RUNX1: variants seen among roughly 807,000 people sequenced by gnomAD.
RUNX1 encodes runt-related transcription factor 1.
In RUNX1, 19 loss-of-function variants were observed where a neutral mutation model predicts 42.8. The observed-to-expected ratio is 0.44, with a 90% CI of 0.31 to 0.65. The LOEUF is 0.65. RUNX1 is among the 30% of genes least tolerant of loss of function. The pLI, the probability that RUNX1 is intolerant of heterozygous loss-of-function variation, is 0.07. For synonymous variants in RUNX1, 271 were observed against 289.4 expected (o/e 0.94, Z 0.64); for missense variants, 528 against 672.0 (o/e 0.79, Z 2.37).
intron 4 of RUNX1, among the ~76,000 whole-genome samples, chr21:34,886,316 A>G (rs542577427): frequency 6.1e-4 from 93 of 152,360 alleles, no homozygotes; most frequent in African/African-American, 2.2e-3. Flanking sequence ...GACTTTGGAC[A>G]TGCTAATTCC....
intron 2 of RUNX1, among the ~76,000 whole-genome samples, chr21:34,935,583 T>C (rs541147890): frequency 2.7e-4 from 37 of 138,620 alleles, no homozygotes; most frequent in African/African-American, 9.0e-4. Context: ...GTTGAGACAC[T>C]TTTTTTTTTT....
intron 2 of RUNX1, among the ~76,000 whole-genome samples, chr21:34,923,881 A>T (rs2058372856): frequency 6.6e-6 from 1 of 151,802 alleles, no homozygotes; most frequent in Non-Finnish European, 1.5e-5. Flanking sequence ...CTGCTGAGCC[A>T]TGTCTCTCGC....
Position 34,930,291 on chromosome 21 carries a change from T to A in RUNX1, c.59-37328A>T, listed in dbSNP as rs550411614. 6.2e-3 allele frequency among the ~76,000 whole-genome samples: 864 copies of A among 138,802 alleles called. 22 individuals are homozygous for A. The highest frequency in any genetic ancestry group is 0.023 in the African/African-American group (797 of 35,038). The allele number at this position is 138,802 out of a possible 152,430, so 91.1% of individuals were successfully genotyped here. ...GTATGTATATATATATATATATATA[T>A]AAATAAATAAATAAAATTTTACAAC... On this transcript the variant is annotated intron_variant, in intron 2 of 8. Coordinates refer to ENST00000675419, the MANE Select transcript of RUNX1 (RefSeq NM_001754.5).
At chr21:34,978,701 A>C (rs1252165445) in intron 2 of RUNX1, among the ~76,000 whole-genome samples, 1 of 152,206 alleles carries the variant, frequency 6.6e-6, no homozygotes, top group Non-Finnish European at 1.5e-5. Flanking sequence ...CAAGGCAAGG[A>C]AATTCCAATA....
intron 2 of RUNX1, among the ~76,000 whole-genome samples, chr21:34,975,668 C>G (rs1569133540): frequency 6.6e-6 from 1 of 151,938 alleles, no homozygotes; most frequent in Admixed American, 6.6e-5. Context: ...AAATGGTGAG[C>G]TGTGTGGGTT....
intron 2 of RUNX1, among the ~76,000 whole-genome samples, chr21:34,960,649 G>A (rs1277099269): frequency 2.0e-5 from 3 of 152,206 alleles, no homozygotes; most frequent in Admixed American, 2.0e-4. Context: ...GCAATAGAGG[G>A]CCCTTTGGTG....
At chr21:35,019,253 C>T (rs115774528) in intron 2 of RUNX1, among the ~76,000 whole-genome samples, 226 of 152,320 alleles carry the variant, frequency 1.5e-3, no homozygotes, top group African/African-American at 5.1e-3. Context: ...TTTCCCTGTT[C>T]TCCTTTAACA....
chr21:34,889,578 CCTGCCCGGGCCCCG>C (rs2058051968), intron 3 of RUNX1: 1 of 811,206 alleles, frequency 1.2e-6, no homozygotes, highest in East Asian at 8.0e-5. Context: ...AGCCGGACAG[CCTGCCCGGGCCCCG>C]CGTCTCCCCT....
intron 2 of RUNX1, among the ~76,000 whole-genome samples, chr21:34,906,006 T>C (rs1188784405): frequency 6.6e-6 from 1 of 152,254 alleles, no homozygotes; most frequent in African/African-American, 2.4e-5. Flanking sequence ...CTCCTGGTGG[T>C]CTGTTTATTT....
At chr21:35,019,871 C>T (rs893031367) in intron 2 of RUNX1, among the ~76,000 whole-genome samples, 2 of 152,184 alleles carry the variant, frequency 1.3e-5, no homozygotes, top group South Asian at 4.1e-4. Flanking sequence ...CTTCAACTTT[C>T]TCCTGACCCC....
intron 3 of RUNX1, among the ~76,000 whole-genome samples, chr21:34,890,559 G>T (rs1159140147): frequency 2.6e-5 from 4 of 152,100 alleles, no homozygotes; most frequent in Non-Finnish European, 5.9e-5. Flanking sequence ...CTTCCGGGGG[G>T]CTAAGGCGGG....
rs3831803 is a variant in RUNX1 at position 34,874,123 on chromosome 21, T to TTCTC, written c.508+6430_508+6433dup. Among the ~76,000 whole-genome samples the TTCTC allele has an allele frequency of 9.8e-4, 142 of 145,056 alleles. 3 individuals are homozygous for TTCTC. Among genetic ancestry groups the TTCTC allele is most frequent in the Admixed American group, 9.0e-3 (131 of 14,538 alleles). On this transcript the variant is annotated intron_variant, in intron 5 of 8. Coordinates refer to ENST00000675419, the MANE Select transcript of RUNX1 (RefSeq NM_001754.5). ...CTCAATGGAAGTATGGATATTCTCA[T>TTCTC]TCTCTCTCTCTCTCTCTCTCTCCCC...
intron 3 of RUNX1, chr21:34,889,751 G>C (rs1239877912): frequency 1.7e-6 from 2 of 1,160,900 alleles, no homozygotes; most frequent in East Asian, 9.9e-5. Flanking sequence ...CGCGGAGCTC[G>C]GAGGGCCCCG....
At chr21:34,945,897 A>G (rs73900705) in intron 2 of RUNX1, among the ~76,000 whole-genome samples, 3,741 of 152,278 alleles carry the variant, frequency 0.025, 124 homozygotes, top group African/African-American at 0.08. Flanking sequence ...GCTACCTGGA[A>G]GCCTCACCTC....
rs374836697 is a variant in RUNX1 at position 34,939,874 on chromosome 21, A to C, written c.59-46911T>G. Among the ~76,000 whole-genome samples, 7 of 152,074 alleles carry C rather than the reference A, an allele frequency of 4.6e-5. No homozygotes were observed. In the East Asian group the frequency reaches 1.2e-3, roughly 25 times the overall value. ...TTTATTTTTATTTTTTCTTCCTCCC[A>C]GACAAGACCTTTCAGGTTAGCCCAA... On this transcript the variant is annotated intron_variant, in intron 2 of 8. Transcript: ENST00000675419.
At position 34,930,270 on chromosome 21, in the gene RUNX1, G is replaced by GTATATATA. The variant is rs1555906427; in HGVS notation, c.59-37315_59-37308dup. Among the ~76,000 whole-genome samples the GTATATATA allele has an allele frequency of 3.2e-3, 397 of 123,008 alleles. 4 individuals are homozygous for GTATATATA. The highest frequency in any genetic ancestry group is 0.027 in the South Asian group (114 of 4,220). The allele number at this position is 123,008 out of a possible 152,430, so 80.7% of individuals were successfully genotyped here. ...ATGTATATTATACGTGTGTGTGTAT[G>GTATATATA]TATATATATATATATATATATAAAT... On this transcript the variant is annotated intron_variant, in intron 2 of 8. Coordinates refer to ENST00000675419, the MANE Select transcript of RUNX1 (RefSeq NM_001754.5).
intron 2 of RUNX1, among the ~76,000 whole-genome samples, chr21:34,900,548 G>A (rs890040901): frequency 2.6e-5 from 4 of 152,172 alleles, no homozygotes; most frequent in African/African-American, 9.7e-5. Flanking sequence ...ACTCAAAGGT[G>A]GAAGAACACA....
At chr21:34,905,947 T>C (rs1311811888) in intron 2 of RUNX1, among the ~76,000 whole-genome samples, 1 of 152,202 alleles carries the variant, frequency 6.6e-6, no homozygotes, top group Admixed American at 6.5e-5. Context: ...CCTGAGTATG[T>C]ATACCTCACA....
intron 7 of RUNX1, chr21:34,829,777 G>C (rs1026661266): frequency 6.6e-6 from 1 of 152,152 alleles, no homozygotes; most frequent in Non-Finnish European, 1.5e-5. Context: ...ACTTCAAATT[G>C]CTAGAAGAGT....
Sources: allele counts gnomAD v4.1 joint callset (sites outside exome capture counted in the v4.1 genomes callset), GRCh38; gene constraint gnomAD v4.1.1; transcripts MANE v1.5; gene names NCBI Gene and HGNC (gene_info 2026-07-23, HGNC 2026-07-21).